RBFOX1: variants seen among roughly 807,000 people sequenced by gnomAD.
RBFOX1 encodes RNA binding protein fox-1 homolog 1.
In RBFOX1, 8 loss-of-function variants were observed where a neutral mutation model predicts 57.7. The observed-to-expected ratio is 0.14, with a 90% confidence interval of 0.08 to 0.25. RBFOX1 has a LOEUF of 0.25. RBFOX1 is among the 10% of genes least tolerant of loss of function. The pLI is 1.00. For missense variants in RBFOX1, 611 were observed against 548.5 expected (o/e 1.11, Z -1.14); for synonymous variants, 326 against 222.4 (o/e 1.47, Z -4.15).
intron 4 of RBFOX1, among the ~76,000 whole-genome samples, chr16:7,447,030 T>A (rs1334194252): frequency 1.3e-5 from 2 of 151,428 alleles, no homozygotes; most frequent in African/African-American, 2.4e-5. Context: ...GCCAGGATGG[T>A]CTTGATCTCA....
Position 5,774,298 on chromosome 16 carries a change from T to C in RBFOX1, c.319-93005T>C, listed in dbSNP as rs147031632. ...CAACATTCCTTTTCTGTTTCTGGAT[T>C]AATAACACACTGGCTTCCTTTGACA... On this transcript the variant is annotated intron_variant, in intron 3 of 19. Coordinates refer to the RBFOX1 transcript ENST00000641259. 2.0e-5 allele frequency among the ~76,000 whole-genome samples: 3 copies of C among 152,352 alleles called. No homozygotes were observed. The East Asian group carries it at 5.8e-4, about 29-fold the overall frequency.
intron 3 of RBFOX1, among the ~76,000 whole-genome samples, chr16:5,638,316 C>A (rs925354902): frequency 6.6e-6 from 1 of 152,188 alleles, no homozygotes; most frequent in Non-Finnish European, 1.5e-5. Flanking sequence ...ACTTTTCTAT[C>A]TTGCCTTATG....
At chr16:6,407,573 G>A (rs2093331428) in intron 2 of RBFOX1, among the ~76,000 whole-genome samples, 2 of 146,780 alleles carry the variant, frequency 1.4e-5, no homozygotes, top group South Asian at 4.3e-4. Flanking sequence ...GTGTGACAGA[G>A]AGAGAGAGAG....
chr16:5,336,089 C>T (rs1528326), intron 1 of RBFOX1, among the ~76,000 whole-genome samples: 137,527 of 152,154 alleles, frequency 0.9, 63,812 homozygotes, highest in East Asian at 1. Context: ...GGTGTGGCTG[C>T]AGAGTCTGAA....
intron 3 of RBFOX1, among the ~76,000 whole-genome samples, chr16:6,821,176 G>A (rs114959879): frequency 7.0e-4 from 107 of 152,256 alleles, no homozygotes; most frequent in African/African-American, 2.5e-3. Flanking sequence ...CTCTTTGCTG[G>A]AAGGCACTCC....
At chr16:7,006,015 C>G (rs1214257840) in intron 3 of RBFOX1, among the ~76,000 whole-genome samples, 2 of 152,178 alleles carry the variant, frequency 1.3e-5, no homozygotes, top group South Asian at 2.1e-4. Context: ...TGGACAGCAT[C>G]TTACTGAGAT....
At position 7,707,363 on chromosome 16, in the gene RBFOX1, C is replaced by G. The variant is rs8057369; in HGVS notation, c.996-1693C>G. On this transcript the variant is annotated intron_variant, in intron 14 of 15. Coordinates refer to ENST00000550418, the MANE Select transcript of RBFOX1 (RefSeq NM_018723.4). Reference sequence around the variant, plus strand: ...GTATTGGATTGGTATCACTTATCTACCAACCATGAGAAAGCTTGGAAGGAA... The same window carrying G: ...GTATTGGATTGGTATCACTTATCTAGCAACCATGAGAAAGCTTGGAAGGAA... 3.2e-3 allele frequency among the ~76,000 whole-genome samples: 481 copies of G among 152,114 alleles called. 3 individuals carry two copies. The highest frequency in any genetic ancestry group is 0.011 in the African/African-American group (442 of 41,496).
intron 5 of RBFOX1, among the ~76,000 whole-genome samples, chr16:7,548,099 G>A (rs2085134086): frequency 6.6e-6 from 1 of 152,140 alleles, no homozygotes; most frequent in Non-Finnish European, 1.5e-5. Flanking sequence ...TTCAGTGACT[G>A]TTCACCCTGT....
chr16:7,543,980 A>T (rs1302012486), intron 5 of RBFOX1, among the ~76,000 whole-genome samples: 1 of 152,180 alleles, frequency 6.6e-6, no homozygotes, highest in Non-Finnish European at 1.5e-5. Flanking sequence ...TGGTTTCCCA[A>T]AGTGCTGGGA....
chr16:6,886,372 C>A (rs1372406256), intron 3 of RBFOX1, among the ~76,000 whole-genome samples: 2 of 151,940 alleles, frequency 1.3e-5, no homozygotes, highest in African/African-American at 4.8e-5. Flanking sequence ...CAGTGAAGCA[C>A]CTTACGTGTG....
chr16:6,859,111 GTATATATA>G lies in RBFOX1; in HGVS notation c.-15-192935_-15-192928del, dbSNP rs796794349. Among the ~76,000 whole-genome samples the G allele has an allele frequency of 6.1e-5, 4 of 65,086 alleles. 1 individual carries two copies. Among genetic ancestry groups the G allele is most frequent in the African/African-American group, 1.6e-4 (2 of 12,902 alleles). 42.7% of individuals were successfully genotyped at this position (65,086 alleles called of 152,430 possible). On this transcript the variant is annotated intron_variant, in intron 3 of 15. Coordinates refer to ENST00000550418, the MANE Select transcript of RBFOX1 (RefSeq NM_018723.4). ...AGTGTTGTATTGTCCTAAAAAAAGT[GTATATATA>G]TATATATATACATATATATACGTAT...
chr16:7,420,015 A>G (rs2098525185), intron 4 of RBFOX1, among the ~76,000 whole-genome samples: 1 of 150,986 alleles, frequency 6.6e-6, no homozygotes, highest in African/African-American at 2.4e-5. Flanking sequence ...AGAGAATGAA[A>G]TCATTAGTGA....
At chr16:6,042,669 G>C (rs894033727) in intron 1 of RBFOX1, among the ~76,000 whole-genome samples, 2 of 152,144 alleles carry the variant, frequency 1.3e-5, no homozygotes, top group Non-Finnish European at 2.9e-5. Context: ...AACAGTCTCT[G>C]GTGGTCCTAA....
At chr16:7,336,279 G>T (rs1450635336) in intron 4 of RBFOX1, among the ~76,000 whole-genome samples, 1 of 152,182 alleles carries the variant, frequency 6.6e-6, no homozygotes, top group Non-Finnish European at 1.5e-5. Context: ...TAGTGTTTGG[G>T]TCTAATGTGT....
chr16:5,463,849 A>T (rs1015342825), intron 1 of RBFOX1, among the ~76,000 whole-genome samples: 8 of 152,216 alleles, frequency 5.3e-5, no homozygotes, highest in African/African-American at 1.9e-4. Flanking sequence ...TGGCAACAGC[A>T]AGATTACAAC....
At chr16:7,513,519 C>T (rs1480994730) in intron 4 of RBFOX1, among the ~76,000 whole-genome samples, 2 of 152,056 alleles carry the variant, frequency 1.3e-5, no homozygotes, top group Non-Finnish European at 2.9e-5. Flanking sequence ...ACATTTGGGG[C>T]GGGACAGTCT....
intron 1 of RBFOX1, among the ~76,000 whole-genome samples, chr16:5,402,802 C>T (rs1235724240): frequency 6.6e-6 from 1 of 152,164 alleles, no homozygotes; most frequent in African/African-American, 2.4e-5. Flanking sequence ...GTTTCCTCTT[C>T]CCTCTGTTTC....
At chr16:6,128,665 C>T (rs2096607363) in intron 1 of RBFOX1, among the ~76,000 whole-genome samples, 1 of 152,190 alleles carries the variant, frequency 6.6e-6, no homozygotes, top group Non-Finnish European at 1.5e-5. Flanking sequence ...AGGGGGAATG[C>T]TCATAAGTCT....
At chr16:6,550,159 T>C (rs2096963928) in intron 2 of RBFOX1, among the ~76,000 whole-genome samples, 2 of 152,078 alleles carry the variant, frequency 1.3e-5, no homozygotes, top group African/African-American at 4.8e-5. Flanking sequence ...TCTCTCACTG[T>C]TCTTCATGGT....
Sources: gnomAD v4.1 joint callset for allele counts (sites outside exome capture counted in the v4.1 genomes callset) on GRCh38, gnomAD v4.1.1 for gene constraint, MANE v1.5 for transcripts, NCBI Gene and HGNC (gene_info 2026-07-23, HGNC 2026-07-21) for gene names.